The following ALOX15 variants were observed in gnomAD, a reference collection of about 807,000 sequenced individuals.
ALOX15 encodes arachidonate 15-lipoxygenase, also known as polyunsaturated fatty acid lipoxygenase ALOX15.
In ALOX15, 68 loss-of-function variants were observed where a neutral mutation model predicts 71.7. The ratio of observed to expected loss-of-function variants is 0.95; its 90% CI spans 0.78 to 1.16. The LOEUF (loss-of-function observed/expected upper bound fraction) is 1.16, where lower values mean the gene tolerates loss of function less well. ALOX15 is among the 50% of genes most tolerant of loss of function. The pLI is 0.00. For missense variants in ALOX15, 798 were observed against 818.8 expected (o/e 0.97, Z 0.31); for synonymous variants, 346 against 333.3 (o/e 1.04, Z -0.42).
At chr17:4,638,719 C>T in intron 4 of ALOX15, 35 bp from the exon 5 acceptor site, 2 of 1,613,424 alleles carry the variant, frequency 1.2e-6, no homozygotes, top group Non-Finnish European at 1.7e-6. Context: ...GTTTGAGCAT[C>T]ATTCTGAGGC....
chr17:4,638,941 T>C lies in ALOX15; in HGVS notation c.451A>G (p.Asn151Asp), dbSNP rs1292420361. The C allele has an allele frequency of 6.2e-7, 1 of 1,614,168 alleles. No homozygotes were observed. The highest frequency in any genetic ancestry group is 8.5e-7 in the Non-Finnish European group (1 of 1,180,038). The stretch of plus-strand genomic sequence containing the variant: ...TCATATAGTTTGGCCCCAGCCATAT[T>C]CAGAATTAACCCGTCCTTCCAGTTT... ...WGNWKDGLIL[N>D]MAGAKLYDLP... Residue 151 changes from asparagine to aspartate, a missense_variant, in exon 4 of 14, where the codon AAT (asparagine) becomes GAT (aspartate). By Grantham distance (23) the Asn-to-Asp change is conservative. This residue lies in a region of ALOX15 where 300 missense variants were observed against 283.1 expected (regional missense o/e 1.06). Coordinates refer to ENST00000293761, the MANE Select transcript of ALOX15 (RefSeq NM_001140.5).
chr17:4,637,434 C>T (rs1911136593), intron 6 of ALOX15, among the ~76,000 whole-genome samples, 176 bp from the exon 7 acceptor site: 1 of 151,932 alleles, frequency 6.6e-6, no homozygotes, highest in East Asian at 1.9e-4. Context: ...AGGGTCTTAC[C>T]GTGCTGCCCA....
intron 11 of ALOX15, among the ~76,000 whole-genome samples, chr17:4,632,557 G>T (rs1910950320): frequency 6.6e-6 from 1 of 152,166 alleles, no homozygotes; most frequent in Non-Finnish European, 1.5e-5. Flanking sequence ...CACCTTGGTA[G>T]TCACAGTAAA....
intron 7 of ALOX15, among the ~76,000 whole-genome samples, 192 bp downstream of exon 7, chr17:4,636,923 G>A (rs111325707): frequency 2.6e-5 from 4 of 152,080 alleles, no homozygotes; most frequent in African/African-American, 9.7e-5. Flanking sequence ...TGGAGCTTCT[G>A]CAGACTGGCC....
At chr17:4,636,690 C>A (rs1567647924) in intron 7 of ALOX15, among the ~76,000 whole-genome samples, 1 of 152,192 alleles carries the variant, frequency 6.6e-6, no homozygotes, top group Non-Finnish European at 1.5e-5. Flanking sequence ...AGCTTCCCAC[C>A]TCATACTCCT....
chr17:4,640,709 C>T (rs191194322), intron 1 of ALOX15, among the ~76,000 whole-genome samples: 311 of 150,868 alleles, frequency 2.1e-3, no homozygotes, highest in African/African-American at 7.4e-3. Context: ...AGCAGGGCTC[C>T]GCAGGTTCAA....
At position 4,639,107 on chromosome 17, in the gene ALOX15, C is replaced by T. The variant is rs535411476; in HGVS notation, c.363G>A (p.Gln121=). 81 of 1,614,196 alleles carry T rather than the reference C, an allele frequency of 5.0e-5. No homozygotes were observed. The highest frequency in any genetic ancestry group is 1.6e-4 in the Middle Eastern group (1 of 6,062). The change falls in exon 3 of 14, where the codon CAG becomes CAA. Residue 121 remains glutamine, a synonymous_variant. Coordinates refer to ENST00000293761, the MANE Select transcript of ALOX15 (RefSeq NM_001140.5). ...CTTCCCGGTGTTTCTGGAACAGGCCCTGAGGGTCCTCGCCCACAGTGCGGC... is the reference window on the plus strand; with the variant it reads ...CTTCCCGGTGTTTCTGGAACAGGCCTTGAGGGTCCTCGCCCACAGTGCGGC... ...GTGRTVGEDP[Q]GLFQKHREEE...
chr17:4,631,412 G>A lies in ALOX15; in HGVS notation c.*188C>T. ...GAAAGGAGGAAGGAAGGAAAGAGGAGTAAGGTCCCAGGTGATGCCTCTAGA... is the reference window on the plus strand; with the variant it reads ...GAAAGGAGGAAGGAAGGAAAGAGGAATAAGGTCCCAGGTGATGCCTCTAGA... On this transcript the variant is annotated 3_prime_UTR_variant, in exon 14 of 14. Transcript: ENST00000293761. 1 of 624,722 alleles carries A rather than the reference G, an allele frequency of 1.6e-6. No individual in the cohort carries two copies. The highest frequency in any genetic ancestry group is 2.7e-6 in the Non-Finnish European group (1 of 368,142). 38.7% of individuals were successfully genotyped at this position (624,722 alleles called of 1,614,324 possible). A position where few individuals can be genotyped will look rare whatever the true frequency, so the allele number is the denominator to read the frequency against.
rs1225576484 is a variant in ALOX15, at chr17:4,638,325, A to G, written c.699T>C (p.Leu233=). 1 of 844,242 alleles carries G rather than the reference A, an allele frequency of 1.2e-6. No homozygotes were observed. Among genetic ancestry groups the G allele is most frequent in the South Asian group, 1.6e-5 (1 of 60,724 alleles). 52.3% of individuals were successfully genotyped at this position (844,242 alleles called of 1,614,324 possible). The change falls in exon 6 of 14, where the codon CTT becomes CTC. Residue 233 remains leucine, a synonymous_variant. Coordinates refer to ENST00000293761, the MANE Select transcript of ALOX15 (RefSeq NM_001140.5). ...KEDALFGYQF[L]NGANPVVLRR... is the part of the protein sequence containing the mutation. ...TCAGCACCACGGGGTTGGCGCCATT[A>G]AGAAACTGGTACCCAAATAAGGCAT...
At chr17:4,639,974 A>ACCCCCCC in intron 1 of ALOX15, 1 of 111,880 alleles carries the variant, frequency 8.9e-6, no homozygotes, top group East Asian at 2.0e-4. Context: ...CCGCTGTGCG[A>ACCCCCCC]CCCCCCACCC....
Position 4,632,897 on chromosome 17 carries a change from T to C in ALOX15, c.1504A>G (p.Ile502Val). Residue 502 changes from isoleucine (I) to valine (V), a missense_variant, in exon 11 of 14, where the codon ATC (isoleucine) becomes GTC (valine). Transcript: ENST00000293761. ...GCCCCTTGCAGCCCGATTTCAGTGA[T>C]CTCTCGACACCAGGTCTGCAGCTCT... is the stretch of plus-strand genomic sequence containing the variant. ...DPELQTWCRE[I>V]TEIGLQGAQD... The C allele has an allele frequency of 1.9e-6, 3 of 1,614,086 alleles. No homozygotes were observed. The highest frequency in any genetic ancestry group is 2.5e-6 in the Non-Finnish European group (3 of 1,179,972).
At chr17:4,640,262 T>C (rs1911271811) in intron 1 of ALOX15, among the ~76,000 whole-genome samples, 2 of 127,502 alleles carry the variant, frequency 1.6e-5, no homozygotes, top group African/African-American at 6.3e-5. Flanking sequence ...GCCGTTCGAA[T>C]GTGTTAAGCA....
At position 4,633,252 on chromosome 17, in the gene ALOX15, A is replaced by C; in HGVS notation, c.1312T>G (p.Tyr438Asp). Residue 438 changes from tyrosine to aspartate, a missense_variant, in exon 10 of 14, where the codon TAC becomes GAC. Physicochemically the swap from Tyr to Asp is radical, Grantham distance 160. Transcript: ENST00000293761. ...LLKQAGAFLT[Y>D]SSFCPPDDLA... ...TCATCAGGGGGACAGAAGGAGCTGT[A>C]GGTTAGGAAGGCTCCAGCTTGCTTG... 3.7e-6 allele frequency: 6 copies of C among 1,614,218 alleles called. No homozygotes were observed. Among genetic ancestry groups the C allele is most frequent in the Non-Finnish European group, 4.2e-6 (5 of 1,180,038 alleles).
At chr17:4,636,105 A>ACGGCTC in intron 7 of ALOX15, 137 bp from the exon 8 acceptor site, 1 of 906,814 alleles carries the variant, frequency 1.1e-6, no homozygotes. Context: ...GCCGCTCCCT[A>ACGGCTC]CGGCTCCCGT....
At chr17:4,637,640 C>T (rs1911144285) in intron 6 of ALOX15, among the ~76,000 whole-genome samples, 1 of 152,128 alleles carries the variant, frequency 6.6e-6, no homozygotes, top group Admixed American at 6.5e-5. Flanking sequence ...TCTCCAACTC[C>T]TGGGCTCAGG....
In ALOX15 at chr17:4,641,184, G is replaced by T. The variant is rs374222728; in HGVS notation, c.135+333C>A. On this transcript the variant is annotated intron_variant, in intron 1 of 13. Transcript: ENST00000293761. ...TCCAACAGCGCTAGCGGTTGAAACG[G>T]TTTTTAAAATAGAGAAAGCGAGAGG... 5.1e-3 allele frequency among the ~76,000 whole-genome samples: 769 copies of T among 151,186 alleles called. 3 individuals carry two copies. The highest frequency in any genetic ancestry group is 0.017 in the Middle Eastern group (5 of 290).
rs1166956253 is a variant in ALOX15, at chr17:4,631,608, C to T, written c.1981G>A (p.Ala661Thr). 2.5e-6 allele frequency: 4 copies of T among 1,613,014 alleles called. No homozygotes were observed. Among genetic ancestry groups the T allele is most frequent in the Admixed American group, 1.7e-5 (1 of 60,002 alleles). Reference sequence around the variant, plus strand: ...CCAAAGGGTGGCGACGCTTAGATGGCCACACTGTTTTCCACCACGCTGGGC... The same window carrying T: ...CCAAAGGGTGGCGACGCTTAGATGGTCACACTGTTTTCCACCACGCTGGGC... ...LRPSVVENSVAI is the reference protein window; with the variant it reads ...LRPSVVENSVTI Residue 661 changes from alanine to threonine, a missense_variant, in exon 14 of 14, where the codon GCC (alanine) becomes ACC (threonine). Transcript: ENST00000293761.
At position 4,639,492 on chromosome 17, in the gene ALOX15, A is replaced by G. The variant is rs759502284; in HGVS notation, c.275T>C (p.Val92Ala). 2 of 1,613,864 alleles carry G rather than the reference A, an allele frequency of 1.2e-6. No individual in the cohort carries two copies. The highest frequency in any genetic ancestry group is 2.2e-5 in the South Asian group (2 of 91,078). Residue 92 changes from valine (V) to alanine (A), a missense_variant, in exon 2 of 14, where the codon GTC becomes GCC. Coordinates refer to ENST00000293761, the MANE Select transcript of ALOX15 (RefSeq NM_001140.5). ...CACCCAGCGGTAACAAGGGAACCTG[A>G]CCTCGTCCCCGGCTCCGGGGCCCTG... ...SVQGPGAGDE[V>A]RFPCYRWVEG...
At chr17:4,636,523 T>C (rs1311807732) in intron 7 of ALOX15, among the ~76,000 whole-genome samples, 1 of 152,142 alleles carries the variant, frequency 6.6e-6, no homozygotes, top group East Asian at 1.9e-4. Context: ...CTCTCCATCC[T>C]GATGGTCACT....
Sources: allele counts gnomAD v4.1 joint callset (sites outside exome capture counted in the v4.1 genomes callset), GRCh38; gene constraint gnomAD v4.1.1; regional missense constraint gnomAD v4.1.1; transcripts MANE v1.5; gene names NCBI Gene and HGNC (gene_info 2026-07-23, HGNC 2026-07-21).